NKAIN2: variants seen among roughly 807,000 people sequenced by gnomAD.
The protein encoded by NKAIN2 is sodium/potassium-transporting ATPase subunit beta-1-interacting protein 2.
In NKAIN2, 14 loss-of-function variants were observed where a neutral mutation model predicts 32.6. The observed-to-expected ratio is 0.43, with a 90% confidence interval of 0.28 to 0.67. The LOEUF (loss-of-function observed/expected upper bound fraction) is 0.67. NKAIN2 is among the 30% of genes least tolerant of loss of function. The pLI, the probability that NKAIN2 is intolerant of heterozygous loss-of-function variation, is 0.17. For synonymous variants in NKAIN2, 80 were observed against 87.2 expected (o/e 0.92, Z 0.46); for missense variants, 198 against 258.3 (o/e 0.77, Z 1.60).
intron 3 of NKAIN2, chr6:124,437,874 T>A (rs759207829): frequency 3.2e-6 from 1 of 312,186 alleles, no homozygotes; most frequent in Non-Finnish European, 5.8e-6. Flanking sequence ...ATCTATTGAT[T>A]TTTTTTTTTT....
chr6:124,223,019 C>T (rs1292961180), intron 1 of NKAIN2, among the ~76,000 whole-genome samples: 1 of 151,880 alleles, frequency 6.6e-6, no homozygotes, highest in Non-Finnish European at 1.5e-5. Context: ...CAAGACCAGC[C>T]TGGCCAACAT....
At chr6:124,047,253 C>G (rs17086525) in intron 1 of NKAIN2, among the ~76,000 whole-genome samples, 2,076 of 152,088 alleles carry the variant, frequency 0.014, 47 homozygotes, top group African/African-American at 0.047. Context: ...TCTGGAGCCT[C>G]TCAGATCTTG....
intron 1 of NKAIN2, among the ~76,000 whole-genome samples, chr6:123,877,114 C>A (rs376774720): frequency 3.3e-5 from 5 of 151,892 alleles, no homozygotes; most frequent in East Asian, 3.9e-4. Flanking sequence ...TCTTTTGGTC[C>A]AGATTTTATT....
chr6:124,414,510 C>T (rs1208433069), intron 3 of NKAIN2, among the ~76,000 whole-genome samples: 2 of 152,074 alleles, frequency 1.3e-5, no homozygotes, highest in East Asian at 3.9e-4. Context: ...ACAATGCTGG[C>T]CTCATAGAAG....
At chr6:124,239,808 C>T (rs575724922) in intron 1 of NKAIN2, among the ~76,000 whole-genome samples, 30 of 152,052 alleles carry the variant, frequency 2.0e-4, no homozygotes, top group Non-Finnish European at 3.8e-4. Context: ...GATCTAAAAT[C>T]GACATCCTAC....
intron 1 of NKAIN2, among the ~76,000 whole-genome samples, chr6:124,016,459 G>A (rs538913437): frequency 1.1e-4 from 17 of 152,172 alleles, no homozygotes; most frequent in Non-Finnish European, 2.5e-4. Flanking sequence ...AGATTGAACT[G>A]CTGTATGAAT....
At chr6:124,698,719 A>G (rs538859039) in intron 4 of NKAIN2, among the ~76,000 whole-genome samples, 1 of 152,314 alleles carries the variant, frequency 6.6e-6, no homozygotes, top group Admixed American at 6.5e-5. Context: ...TCAAAGCTAT[A>G]TCAGATTTGC....
chr6:123,968,106 C>T (rs1452825692), intron 1 of NKAIN2, among the ~76,000 whole-genome samples: 1 of 152,198 alleles, frequency 6.6e-6, no homozygotes, highest in Non-Finnish European at 1.5e-5. Context: ...GAGCACTTGA[C>T]ATTAATTACA....
intron 1 of NKAIN2, among the ~76,000 whole-genome samples, chr6:124,044,024 G>A (rs1325884119): frequency 6.6e-6 from 1 of 152,040 alleles, no homozygotes; most frequent in Non-Finnish European, 1.5e-5. Flanking sequence ...TTAGGCGAGT[G>A]AGCAGGGTAT....
chr6:124,322,293 A>G (rs1233213638), intron 2 of NKAIN2, among the ~76,000 whole-genome samples: 1 of 152,216 alleles, frequency 6.6e-6, no homozygotes, highest in African/African-American at 2.4e-5. Context: ...AATAAAATAG[A>G]TTATAACTTT....
chr6:123,905,409 G>C (rs1774815981), intron 1 of NKAIN2, among the ~76,000 whole-genome samples: 2 of 152,130 alleles, frequency 1.3e-5, no homozygotes, highest in Non-Finnish European at 2.9e-5. Flanking sequence ...GCTCGGAAGA[G>C]AACCACTATC....
intron 5 of NKAIN2, among the ~76,000 whole-genome samples, chr6:124,802,884 G>A (rs1221796166): frequency 6.6e-6 from 1 of 152,160 alleles, no homozygotes; most frequent in East Asian, 1.9e-4. Context: ...TCCAGAATTA[G>A]CAAAAGCAAT....
At chr6:123,875,020 G>A (rs1033575460) in intron 1 of NKAIN2, among the ~76,000 whole-genome samples, 7 of 151,732 alleles carry the variant, frequency 4.6e-5, no homozygotes, top group Admixed American at 3.3e-4. Context: ...TATTTTATAC[G>A]ACTTTTCCAT....
At chr6:124,187,864 A>C (rs1789821376) in intron 1 of NKAIN2, among the ~76,000 whole-genome samples, 1 of 151,940 alleles carries the variant, frequency 6.6e-6, no homozygotes, top group Admixed American at 6.5e-5. Context: ...TACATCCTTA[A>C]CTATCTTCTA....
chr6:124,731,089 A>G (rs1404157641), intron 4 of NKAIN2, among the ~76,000 whole-genome samples: 1 of 143,172 alleles, frequency 7.0e-6, no homozygotes, highest in Admixed American at 7.3e-5. Context: ...GTGGAGAAAT[A>G]GGAACACTTC....
At chr6:124,722,774 AC>A (rs1240824126) in intron 4 of NKAIN2, among the ~76,000 whole-genome samples, 1 of 152,024 alleles carries the variant, frequency 6.6e-6, no homozygotes, top group Non-Finnish European at 1.5e-5. Flanking sequence ...CATAGCTACC[AC>A]CCCATTTTAC....
At chr6:124,754,544 A>C (rs553200445) in intron 4 of NKAIN2, among the ~76,000 whole-genome samples, 1 of 152,232 alleles carries the variant, frequency 6.6e-6, no homozygotes, top group African/African-American at 2.4e-5. Flanking sequence ...CAAGTTCAAC[A>C]TCACTTATCA....
rs1055712476 is a variant in NKAIN2, at chr6:124,516,386, A to AT, written c.274-141792dup. 4.6e-5 allele frequency among the ~76,000 whole-genome samples: 7 copies of AT among 151,368 alleles called. No homozygotes were observed. The South Asian group carries it at 6.2e-4, about 13-fold the overall frequency. On this transcript the variant is annotated intron_variant, in intron 3 of 6. Coordinates refer to ENST00000368417, the MANE Select transcript of NKAIN2 (RefSeq NM_001040214.3). ...TAACATTTTTAAAAGATTTTGTGTTATTTTTTTTCAGTTAAAAGAAGAAAA... is the reference window on the plus strand; with the variant it reads ...TAACATTTTTAAAAGATTTTGTGTTATTTTTTTTTCAGTTAAAAGAAGAAAA...
intron 4 of NKAIN2, among the ~76,000 whole-genome samples, chr6:124,779,094 G>T (rs1031173457): frequency 6.6e-6 from 1 of 151,896 alleles, no homozygotes; most frequent in African/African-American, 2.4e-5. Context: ...ACAAAAATTA[G>T]CTGGGCGTGG....
Sources: gnomAD v4.1 joint callset for allele counts (sites outside exome capture counted in the v4.1 genomes callset) on GRCh38, gnomAD v4.1.1 for gene constraint, MANE v1.5 for transcripts, NCBI Gene and HGNC (gene_info 2026-07-23, HGNC 2026-07-21) for gene names.